PPP1R12A: variants seen among roughly 807,000 people sequenced by gnomAD.
PPP1R12A encodes the protein protein phosphatase 1 regulatory subunit 12A.
PPP1R12A carries 19 observed loss-of-function variants against 139.6 expected under a neutral mutation model. The ratio of observed to expected loss-of-function variants is 0.14; its 90% CI spans 0.09 to 0.20. The LOEUF is 0.20. Ranked by LOEUF, PPP1R12A falls within the 10% of genes least tolerant of loss-of-function variation. PPP1R12A has a pLI of 1.00. For synonymous variants in PPP1R12A, 427 were observed against 420.6 expected (o/e 1.02, Z -0.19); for missense variants, 925 against 1,211.5 (o/e 0.76, Z 3.51).
chr12:79,934,922 C>T lies in PPP1R12A; in HGVS notation c.10G>A (p.Ala4Thr), dbSNP rs780077411. 1 of 1,594,852 alleles carries T rather than the reference C, an allele frequency of 6.3e-7. No individual in the cohort carries two copies. The highest frequency in any genetic ancestry group is 8.5e-7 in the Non-Finnish European group (1 of 1,170,140). ...TCGTTCCGCTTCTGCTTCGCGTCCG[C>T]CATCTTCATCCCCTCTCCTGCCGCC... is the stretch of plus-strand genomic sequence containing the variant. MKMADAKQKRNEQL... is the reference protein window; with the variant it reads MKMTDAKQKRNEQL... The change falls in exon 1 of 25, where the codon GCG becomes ACG. Residue 4 changes from alanine to threonine, a missense_variant. Around this residue, in one of 4 missense-constraint regions of PPP1R12A, gnomAD observed 199 missense variants for 352.4 expected, o/e 0.56. Coordinates refer to ENST00000450142, the MANE Select transcript of PPP1R12A (RefSeq NM_002480.3).
At chr12:79,919,480 G>C (rs1354310623) in intron 1 of PPP1R12A, among the ~76,000 whole-genome samples, 1 of 151,702 alleles carries the variant, frequency 6.6e-6, no homozygotes, top group East Asian at 1.9e-4. Context: ...GCTTGAACCT[G>C]GGAGGTGGAA....
chr12:79,798,090 G>A (rs1382687036), intron 15 of PPP1R12A, among the ~76,000 whole-genome samples: 7 of 151,978 alleles, frequency 4.6e-5, no homozygotes, highest in Non-Finnish European at 7.4e-5. Flanking sequence ...CTCTGCCCCC[G>A]ATTTCCAAAT....
chr12:79,914,138 T>A (rs368245124), intron 1 of PPP1R12A, among the ~76,000 whole-genome samples: 1 of 152,130 alleles, frequency 6.6e-6, no homozygotes, highest in Non-Finnish European at 1.5e-5. Flanking sequence ...TTTTCAACTT[T>A]ATTTTCTAAT....
At chr12:79,813,380 A>G (rs1874853204) in intron 9 of PPP1R12A, among the ~76,000 whole-genome samples, 2 of 152,004 alleles carry the variant, frequency 1.3e-5, no homozygotes, top group Admixed American at 1.3e-4. Flanking sequence ...GTCAAATATA[A>G]TTTCTTCTCC....
chr12:79,909,859 T>C (rs1886421466), intron 1 of PPP1R12A, among the ~76,000 whole-genome samples: 1 of 152,008 alleles, frequency 6.6e-6, no homozygotes, highest in Admixed American at 6.6e-5. Flanking sequence ...CCAGGCATCA[T>C]ATCCGGCTAA....
intron 2 of PPP1R12A, among the ~76,000 whole-genome samples, chr12:79,866,363 A>T (rs963070142): frequency 6.6e-6 from 1 of 152,250 alleles, no homozygotes; most frequent in Non-Finnish European, 1.5e-5. Flanking sequence ...AAAAACCATT[A>T]AAATTCTAGA....
chr12:79,839,716 T>G (rs1878485906), intron 3 of PPP1R12A, among the ~76,000 whole-genome samples: 1 of 152,186 alleles, frequency 6.6e-6, no homozygotes, highest in South Asian at 2.1e-4. Flanking sequence ...CCATCTGTCA[T>G]GACTGCATGA....
chr12:79,781,494 T>A (rs1473982323), intron 23 of PPP1R12A, among the ~76,000 whole-genome samples: 1 of 152,068 alleles, frequency 6.6e-6, no homozygotes, highest in Non-Finnish European at 1.5e-5. Context: ...GTACAGGCCA[T>A]AAGAGATAAA....
At chr12:79,920,099 G>C (rs1887322037) in intron 1 of PPP1R12A, among the ~76,000 whole-genome samples, 1 of 152,094 alleles carries the variant, frequency 6.6e-6, no homozygotes, top group Non-Finnish European at 1.5e-5. Context: ...GCCTATTCTG[G>C]ACATTTCATA....
At chr12:79,888,349 T>G (rs1884292424) in intron 1 of PPP1R12A, among the ~76,000 whole-genome samples, 1 of 152,076 alleles carries the variant, frequency 6.6e-6, no homozygotes, top group Non-Finnish European at 1.5e-5. Flanking sequence ...TAAAATACAT[T>G]AGATTGTGAA....
At chr12:79,786,962 T>G (rs1871208940) in intron 21 of PPP1R12A, 1 of 152,208 alleles carries the variant, frequency 6.6e-6, no homozygotes, top group Non-Finnish European at 1.5e-5. Context: ...TCCTGAAATA[T>G]TTCAAATCCA....
chr12:79,867,463 T>C (rs1032791095), intron 2 of PPP1R12A, among the ~76,000 whole-genome samples: 3 of 151,546 alleles, frequency 2.0e-5, no homozygotes, highest in Non-Finnish European at 4.4e-5. Flanking sequence ...AACTTAAAAG[T>C]ATAATACAAA....
intron 9 of PPP1R12A, among the ~76,000 whole-genome samples, chr12:79,812,705 T>C (rs1196585840): frequency 1.3e-5 from 2 of 152,108 alleles, no homozygotes; most frequent in South Asian, 2.1e-4. Context: ...GTGGACAATC[T>C]AGAACTATAA....
rs550651051 is a variant in PPP1R12A at position 79,915,378 on chromosome 12, C to T, written c.237+19317G>A. Among the ~76,000 whole-genome samples, 9 of 152,282 alleles carry T rather than the reference C, an allele frequency of 5.9e-5. No homozygotes were observed. In the South Asian group the frequency reaches 1.2e-3, roughly 21 times the overall value. Reference sequence around the variant, plus strand: ...TCCCTTGGCAGGTCATTGCTAAGATCTGCTGAACAGCAAACAAATCTAAAA... The same window carrying T: ...TCCCTTGGCAGGTCATTGCTAAGATTTGCTGAACAGCAAACAAATCTAAAA... On this transcript the variant is annotated intron_variant, in intron 1 of 24. Transcript: ENST00000450142.
intron 1 of PPP1R12A, among the ~76,000 whole-genome samples, chr12:79,914,943 T>C (rs1003109950): frequency 1.4e-4 from 22 of 152,076 alleles, no homozygotes; most frequent in African/African-American, 5.1e-4. Flanking sequence ...TGATTCTAAT[T>C]CATTCCAGAA....
intron 1 of PPP1R12A, among the ~76,000 whole-genome samples, chr12:79,874,032 T>C (rs1882845089): frequency 2.0e-5 from 3 of 152,070 alleles, no homozygotes; most frequent in African/African-American, 7.2e-5. Flanking sequence ...TCCCAGCACT[T>C]TGGGAGGCCG....
At chr12:79,781,912 G>A (rs1017191985) in intron 22 of PPP1R12A, 50 bp from the exon 23 acceptor site, 3 of 1,106,910 alleles carry the variant, frequency 2.7e-6, no homozygotes, top group African/African-American at 1.6e-5. Context: ...AAAAGTTCAG[G>A]GGTGACCACA....
chr12:79,796,205 C>T (rs1224008350), intron 17 of PPP1R12A, among the ~76,000 whole-genome samples: 1 of 151,832 alleles, frequency 6.6e-6, no homozygotes, highest in Non-Finnish European at 1.5e-5. Context: ...ATATGAAATG[C>T]CTATATTTAG....
chr12:79,776,201 A>C (rs1288046213), intron 24 of PPP1R12A, among the ~76,000 whole-genome samples, 186 bp from the exon 25 acceptor site: 1 of 152,096 alleles, frequency 6.6e-6, no homozygotes, highest in Non-Finnish European at 1.5e-5. Context: ...TGTAAAGCTA[A>C]TTAGTTTCAT....
Sources: gnomAD v4.1 joint callset for allele counts (sites outside exome capture counted in the v4.1 genomes callset) on GRCh38, gnomAD v4.1.1 for gene constraint, gnomAD v4.1.1 regional missense constraint, MANE v1.5 for transcripts, NCBI Gene and HGNC (gene_info 2026-07-23, HGNC 2026-07-21) for gene names.